Variants in BTBD9 observed in about 807,000 individuals in gnomAD.
BTBD9 encodes BTB/POZ domain-containing protein 9.
In BTBD9, 49 loss-of-function variants were observed where a neutral mutation model predicts 64.3. That is an observed-to-expected ratio of 0.76 (90% CI 0.61 to 0.97). The LOEUF (loss-of-function observed/expected upper bound fraction) is 0.97. Ranked by LOEUF, BTBD9 falls within the 50% of genes least tolerant of loss-of-function variation. BTBD9 has a pLI of 0.00. For missense variants in BTBD9, 598 were observed against 762.1 expected, an observed-to-expected ratio of 0.78 and a Z score of 2.53; for synonymous variants, 260 against 274.7, an observed-to-expected ratio of 0.95 and a Z score of 0.53.
intron 6 of BTBD9, among the ~76,000 whole-genome samples, chr6:38,408,542 T>C (rs543822468): frequency 3.3e-5 from 5 of 152,198 alleles, no homozygotes; most frequent in Non-Finnish European, 7.3e-5. Context: ...ATTCCAAGAC[T>C]GCCACATTGA....
chr6:38,273,177 G>T (rs1418453424), intron 8 of BTBD9, among the ~76,000 whole-genome samples: 2 of 152,182 alleles, frequency 1.3e-5, no homozygotes, highest in African/African-American at 4.8e-5. Flanking sequence ...CTGTCCCTTT[G>T]TCAACATCCA....
chr6:38,554,736 A>C (rs894016423), intron 6 of BTBD9, among the ~76,000 whole-genome samples: 1 of 152,198 alleles, frequency 6.6e-6, no homozygotes, highest in African/African-American at 2.4e-5. Context: ...CCAGACTCTA[A>C]GACTTAAAAA....
chr6:38,442,727 T>C (rs996067573), intron 6 of BTBD9, among the ~76,000 whole-genome samples: 2 of 135,208 alleles, frequency 1.5e-5, no homozygotes, highest in Non-Finnish European at 3.1e-5. Flanking sequence ...TGCAGTGCAA[T>C]GGTGCAATCT....
chr6:38,299,832 C>G (rs1468553720), intron 7 of BTBD9, among the ~76,000 whole-genome samples: 1 of 152,100 alleles, frequency 6.6e-6, no homozygotes, highest in Non-Finnish European at 1.5e-5. Context: ...ATGGTAGTTT[C>G]TTTTGCTGTG....
chr6:38,325,647 T>C (rs1486286528), intron 7 of BTBD9, among the ~76,000 whole-genome samples: 1 of 152,178 alleles, frequency 6.6e-6, no homozygotes, highest in African/African-American at 2.4e-5. Flanking sequence ...ATCGTGCCAC[T>C]GCACTCCAGC....
intron 1 of BTBD9, among the ~76,000 whole-genome samples, chr6:38,612,543 T>A (rs1449765894): frequency 1.3e-5 from 2 of 152,238 alleles, no homozygotes; most frequent in Admixed American, 6.5e-5. Flanking sequence ...TTCCTAAGTC[T>A]TTTCATTAGA....
intron 7 of BTBD9, among the ~76,000 whole-genome samples, chr6:38,297,759 A>T (rs989063524): frequency 2.0e-5 from 3 of 151,312 alleles, no homozygotes; most frequent in African/African-American, 4.9e-5. Flanking sequence ...TTACTAATTT[A>T]TTTGAACTCG....
intron 8 of BTBD9, among the ~76,000 whole-genome samples, chr6:38,260,797 T>TA (rs1764762562): frequency 6.6e-6 from 1 of 152,240 alleles, no homozygotes; most frequent in Non-Finnish European, 1.5e-5. Flanking sequence ...CTATTATGAA[T>TA]ATCTTTTTGT....
chr6:38,510,073 T>G (rs574345720), intron 6 of BTBD9, among the ~76,000 whole-genome samples: 30 of 152,308 alleles, frequency 2.0e-4, no homozygotes, highest in Non-Finnish European at 4.1e-4. Flanking sequence ...CTAGCCACAT[T>G]CCCTAAACAC....
intron 6 of BTBD9, among the ~76,000 whole-genome samples, chr6:38,567,292 TG>T (rs1775565016): frequency 6.6e-6 from 1 of 152,254 alleles, no homozygotes; most frequent in Admixed American, 6.5e-5. Flanking sequence ...CTTTATAATG[TG>T]CACAGAATTT....
In BTBD9 at chr6:38,624,203, G is replaced by C. The variant is rs145561338; in HGVS notation, c.-28+15597C>G. Among the ~76,000 whole-genome samples the C allele has an allele frequency of 1.3e-3, 196 of 152,270 alleles. 3 individuals carry two copies. The East Asian group carries it at 0.03, about 23-fold the overall frequency. On this transcript the variant is annotated intron_variant, in intron 1 of 10. Coordinates refer to ENST00000481247, the MANE Select transcript of BTBD9 (RefSeq NM_001099272.2). ...GATTCTAAAAGGAGCCAATTGCGGG[G>C]AGGACTGAAAAAAGTGCACTCTGAT...
intron 9 of BTBD9, among the ~76,000 whole-genome samples, chr6:38,224,682 T>C (rs184368930): frequency 3.3e-5 from 5 of 152,370 alleles, no homozygotes; most frequent in East Asian, 1.9e-4. Context: ...TGATCCATTA[T>C]TGAGTCAAAG....
chr6:38,296,667 T>C (rs898110166), intron 7 of BTBD9, among the ~76,000 whole-genome samples: 2 of 152,208 alleles, frequency 1.3e-5, no homozygotes, highest in African/African-American at 2.4e-5. Context: ...TTGTGTAGAA[T>C]GTCCCTCAAT....
intron 6 of BTBD9, among the ~76,000 whole-genome samples, chr6:38,352,601 C>A (rs867826106): frequency 6.6e-6 from 1 of 152,138 alleles, no homozygotes; most frequent in South Asian, 2.1e-4. Context: ...ATGGGGTAAG[C>A]TCCTTAATTT....
At position 38,526,935 on chromosome 6, in the gene BTBD9, G is replaced by A. The variant is rs549086129; in HGVS notation, c.1154+50665C>T. On this transcript the variant is annotated intron_variant, in intron 6 of 10. Coordinates refer to ENST00000481247, the MANE Select transcript of BTBD9 (RefSeq NM_001099272.2). Reference sequence around the variant, plus strand: ...TGGACTTTTCAGTTAATGCTGAAATGAGTTAAGACTTTGGGGGACTGTTGA... The same window carrying A: ...TGGACTTTTCAGTTAATGCTGAAATAAGTTAAGACTTTGGGGGACTGTTGA... 3.3e-5 allele frequency among the ~76,000 whole-genome samples: 5 copies of A among 152,264 alleles called. No homozygotes were observed. The South Asian group carries it at 1.0e-3, about 32-fold the overall frequency.
chr6:38,359,828 G>T (rs1562074594), intron 6 of BTBD9, among the ~76,000 whole-genome samples: 1 of 151,982 alleles, frequency 6.6e-6, no homozygotes, highest in Non-Finnish European at 1.5e-5. Context: ...AAGCTTTGGG[G>T]GTTGTGGCAC....
intron 6 of BTBD9, among the ~76,000 whole-genome samples, chr6:38,375,928 A>AAAGAAAGG (rs1765668462): frequency 7.0e-6 from 1 of 142,220 alleles, no homozygotes; most frequent in Non-Finnish European, 1.5e-5. Flanking sequence ...AGAAAGAAAG[A>AAAGAAAGG]AAGAAAGAAA....
chr6:38,594,280 A>G lies in BTBD9; in HGVS notation c.233T>C (p.Ile78Thr), dbSNP rs1390517266. The change falls in exon 3 of 11, where the codon ATT becomes ACT. Residue 78 changes from isoleucine (I) to threonine (T), a missense_variant. Ile to Thr is a moderately conservative substitution (Grantham distance 89). Coordinates refer to ENST00000481247, the MANE Select transcript of BTBD9 (RefSeq NM_001099272.2). The stretch of plus-strand genomic sequence containing the variant: ...TTCTGCAGTGGTGTCTTGGAGAGGA[A>G]TTTCTGCTTCAGGCTGAGACTCTCG... ...GMRESQPEAEIPLQDTTAEAF... is the reference protein window; with the variant it reads ...GMRESQPEAETPLQDTTAEAF... 1 of 1,614,060 alleles carries G rather than the reference A, an allele frequency of 6.2e-7. No individual in the cohort carries two copies.
chr6:38,592,840 T>C lies in BTBD9; in HGVS notation c.550A>G (p.Thr184Ala), dbSNP rs200213775. The C allele has an allele frequency of 5.0e-6, 8 of 1,613,330 alleles. No homozygotes were observed. The highest frequency in any genetic ancestry group is 6.8e-6 in the Non-Finnish European group (8 of 1,179,506). ...CTTAACACGATGTTTAAAAGTGCTGTCTGAAAAGGATAAAAAGGTAAAATT... is the reference window on the plus strand; with the variant it reads ...CTTAACACGATGTTTAAAAGTGCTGCCTGAAAAGGATAAAAAGGTAAAATT... ...SSEGFLSLSK[T>A]ALLNIVLRDS... Residue 184 changes from threonine (T) to alanine (A), a missense_variant and splice_region_variant, in exon 4 of 11, where the codon ACA becomes GCA. Physicochemically the swap from Thr to Ala is moderately conservative, Grantham distance 58. Transcript: ENST00000481247.
Sources: allele counts gnomAD v4.1 joint callset (sites outside exome capture counted in the v4.1 genomes callset), GRCh38; gene constraint gnomAD v4.1.1; transcripts MANE v1.5; gene names NCBI Gene and HGNC (gene_info 2026-07-23, HGNC 2026-07-21).